SENP6: variants seen among roughly 807,000 people sequenced by gnomAD.
SENP6 encodes the protein SUMO specific peptidase 6.
Under a neutral mutation model 134.5 loss-of-function variants are expected in SENP6, and 41 were observed. That is an observed-to-expected ratio of 0.30 (90% CI 0.24 to 0.40). The LOEUF (loss-of-function observed/expected upper bound fraction) is 0.40. Among genes scored for constraint, SENP6 ranks in the 10% least tolerant of loss-of-function variants. SENP6 has a pLI of 1.00. For missense variants in SENP6, 1,248 were observed against 1,312.5 expected, an observed-to-expected ratio of 0.95 and a Z score of 0.76; for synonymous variants, 395 against 429.8, an observed-to-expected ratio of 0.92 and a Z score of 1.00.
At chr6:75,655,164 A>C (rs1481991860) in intron 7 of SENP6, 3 of 152,202 alleles carry the variant, frequency 2.0e-5, no homozygotes, top group Non-Finnish European at 4.4e-5. Context: ...TCTTTCACCC[A>C]GTGTGCAGCT....
At chr6:75,682,437 T>C (rs535780076) in intron 16 of SENP6, among the ~76,000 whole-genome samples, 167 of 152,010 alleles carry the variant, frequency 1.1e-3, no homozygotes, top group African/African-American at 3.8e-3. Context: ...TTAAGATCTA[T>C]GGTACATGTG....
At chr6:75,652,953 TCTTA>T (rs1453041094) in intron 7 of SENP6, among the ~76,000 whole-genome samples, 4 of 152,318 alleles carry the variant, frequency 2.6e-5, no homozygotes, top group South Asian at 2.1e-4. Flanking sequence ...TTTGCCTGTT[TCTTA>T]CTTATTTAGC....
intron 3 of SENP6, among the ~76,000 whole-genome samples, chr6:75,628,525 A>G (rs1467363985): frequency 2.6e-5 from 4 of 152,158 alleles, no homozygotes; most frequent in Admixed American, 1.3e-4. Flanking sequence ...TAGTTCATCT[A>G]TTCATTAATC....
chr6:75,640,156 A>G (rs1447692635), intron 5 of SENP6, among the ~76,000 whole-genome samples: 1 of 152,232 alleles, frequency 6.6e-6, no homozygotes, highest in Non-Finnish European at 1.5e-5. Context: ...CTCTTCTGCT[A>G]TGTAGCAACA....
intron 8 of SENP6, 41 bp downstream of exon 8, chr6:75,659,448 T>C: frequency 1.3e-6 from 2 of 1,506,552 alleles, no homozygotes; most frequent in Non-Finnish European, 1.8e-6. Flanking sequence ...TCAGATTGTG[T>C]TTTGATTAAT....
intron 1 of SENP6, among the ~76,000 whole-genome samples, chr6:75,613,820 A>AATAAT (rs1391676093): frequency 6.6e-6 from 1 of 152,252 alleles, no homozygotes; most frequent in Non-Finnish European, 1.5e-5. Context: ...ACATTGATAC[A>AATAAT]ATACTATAAT....
chr6:75,646,879 T>C (rs1281127264), intron 6 of SENP6: 1 of 152,144 alleles, frequency 6.6e-6, no homozygotes, highest in Non-Finnish European at 1.5e-5. Flanking sequence ...TCCACCCATA[T>C]TACTTTTTCT....
At chr6:75,625,374 G>A (rs1402788640) in intron 3 of SENP6, among the ~76,000 whole-genome samples, 1 of 151,784 alleles carries the variant, frequency 6.6e-6, no homozygotes, top group African/African-American at 2.4e-5. Flanking sequence ...CTCTGCCTCC[G>A]AAAGTGTTGG....
chr6:75,645,553 G>A lies in SENP6; in HGVS notation c.480-2178G>A, dbSNP rs189766170. Among the ~76,000 whole-genome samples the A allele has an allele frequency of 2.5e-3, 380 of 152,286 alleles. 4 individuals are homozygous for A. Among genetic ancestry groups the A allele is most frequent in the Non-Finnish European group, 2.9e-3 (194 of 68,026 alleles). ...AATCACTTGAACCCGGGAGGCAGAG[G>A]TTGCAGTGAGCCAAGATTGCGCACG... On this transcript the variant is annotated intron_variant, in intron 6 of 23. Transcript: ENST00000447266.
intron 16 of SENP6, chr6:75,679,932 C>T (rs532214460): frequency 6.6e-6 from 1 of 152,158 alleles, no homozygotes; most frequent in East Asian, 1.9e-4. Flanking sequence ...GGTGGGAAAA[C>T]ACATTGTTAT....
At chr6:75,614,546 G>A (rs578196233) in intron 1 of SENP6, among the ~76,000 whole-genome samples, 21 of 152,136 alleles carry the variant, frequency 1.4e-4, no homozygotes, top group Admixed American at 8.5e-4. Flanking sequence ...GATTACAGGC[G>A]TGAGCCACTG....
intron 7 of SENP6, among the ~76,000 whole-genome samples, chr6:75,656,884 T>TA (rs1435725029): frequency 1.3e-5 from 2 of 152,226 alleles, no homozygotes; most frequent in Non-Finnish European, 2.9e-5. Flanking sequence ...AATTTTGAAT[T>TA]ATATCAAAGC....
intron 20 of SENP6, among the ~76,000 whole-genome samples, chr6:75,710,020 C>T (rs12212171): frequency 0.11 from 17,201 of 152,140 alleles, 994 homozygotes; most frequent in African/African-American, 0.14. Context: ...GATTAACTCA[C>T]CCTAACTCAG....
Position 75,718,102 on chromosome 6 carries a change from T to C in SENP6, c.*2508T>C, listed in dbSNP as rs1776089112. The C allele has an allele frequency of 7.5e-6, 1 of 133,298 alleles. No individual in the cohort carries two copies. 8.3% of individuals were successfully genotyped at this position (133,298 alleles called of 1,614,324 possible). On this transcript the variant is annotated 3_prime_UTR_variant, in exon 24 of 24. Coordinates refer to ENST00000447266, the MANE Select transcript of SENP6 (RefSeq NM_015571.4). Reference sequence around the variant, plus strand: ...GAAAACATAAAATGATTCTCTAAATTACATCTTGTTTTAAGCCACCAAAAT... The same window carrying C: ...GAAAACATAAAATGATTCTCTAAATCACATCTTGTTTTAAGCCACCAAAAT...
chr6:75,618,123 CTG>C (rs1767997111), intron 1 of SENP6, among the ~76,000 whole-genome samples: 2 of 152,194 alleles, frequency 1.3e-5, no homozygotes, highest in Middle Eastern at 3.4e-3. Context: ...CCTTTTATGT[CTG>C]TGTTTTTGAC....
At position 75,602,467 on chromosome 6, in the gene SENP6, C is replaced by A; in HGVS notation, c.-58C>A. ...CCTCCGGCGCGGCCCCTCATCCCGG[C>A]GAGCACGGCGGCGGTGTGGGCCATG... On this transcript the variant is annotated 5_prime_UTR_variant, in exon 1 of 24. Coordinates refer to ENST00000447266, the MANE Select transcript of SENP6 (RefSeq NM_015571.4). The A allele has an allele frequency of 1.9e-6, 3 of 1,543,806 alleles. No homozygotes were observed. The Admixed American group carries it at 5.9e-5, about 30-fold the overall frequency.
chr6:75,642,444 C>T (rs554135403), intron 6 of SENP6, among the ~76,000 whole-genome samples: 3 of 152,206 alleles, frequency 2.0e-5, no homozygotes, highest in African/African-American at 7.2e-5. Flanking sequence ...GGCAGTGCCA[C>T]GATCATAAGA....
intron 7 of SENP6, among the ~76,000 whole-genome samples, chr6:75,650,732 A>G (rs1428467718): frequency 1.3e-5 from 2 of 152,194 alleles, no homozygotes; most frequent in East Asian, 3.8e-4. Context: ...TGTAGGATAA[A>G]TAGCAATGCT....
intron 18 of SENP6, among the ~76,000 whole-genome samples, chr6:75,699,354 CTTTTTTTTT>C (rs71544060): frequency 1.7e-5 from 2 of 115,016 alleles, no homozygotes; most frequent in African/African-American, 6.4e-5. Context: ...TTTGTTTTTG[CTTTTTTTTT>C]TTTTTTTTTT....
Sources: gnomAD v4.1 joint callset for allele counts (sites outside exome capture counted in the v4.1 genomes callset) on GRCh38, gnomAD v4.1.1 for gene constraint, MANE v1.5 for transcripts, NCBI Gene and HGNC (gene_info 2026-07-23, HGNC 2026-07-21) for gene names.